RGS7BP: variants seen among roughly 807,000 people sequenced by gnomAD.
RGS7BP encodes the protein regulator of G protein signaling 7 binding protein, also known as regulator of G protein signaling 7-binding protein.
In RGS7BP, 9 loss-of-function variants were observed where a neutral mutation model predicts 31.3. The observed-to-expected ratio is 0.29, with a 90% CI of 0.17 to 0.50. The LOEUF is 0.50. Ranked by LOEUF, RGS7BP falls within the 20% of genes least tolerant of loss-of-function variation. The pLI is 0.98. For synonymous variants in RGS7BP, 115 were observed against 120.1 expected (o/e 0.96, Z 0.28); for missense variants, 274 against 322.0 (o/e 0.85, Z 1.14).
chr5:64,553,956 C>G (rs1243919016), intron 2 of RGS7BP, among the ~76,000 whole-genome samples: 1 of 152,126 alleles, frequency 6.6e-6, no homozygotes, highest in South Asian at 2.1e-4. Context: ...AGTTCGTTGA[C>G]TCCATTAAAA....
At chr5:64,583,012 T>G (rs1308744859) in intron 3 of RGS7BP, among the ~76,000 whole-genome samples, 2 of 152,152 alleles carry the variant, frequency 1.3e-5, no homozygotes, top group Non-Finnish European at 2.9e-5. Context: ...AGTGGAAACA[T>G]GCATTCATTC....
intron 2 of RGS7BP, among the ~76,000 whole-genome samples, chr5:64,511,650 A>G (rs1748839828): frequency 6.6e-6 from 1 of 152,196 alleles, no homozygotes; most frequent in Non-Finnish European, 1.5e-5. Flanking sequence ...GACACTTCAT[A>G]GAATCCCTAG....
chr5:64,522,248 A>T (rs1023828609), intron 2 of RGS7BP, among the ~76,000 whole-genome samples: 1 of 152,186 alleles, frequency 6.6e-6, no homozygotes, highest in Non-Finnish European at 1.5e-5. Context: ...GGCTGAATGG[A>T]AGGTCTCTCC....
intron 2 of RGS7BP, among the ~76,000 whole-genome samples, chr5:64,538,042 G>A (rs936830365): frequency 6.6e-6 from 1 of 152,074 alleles, no homozygotes; most frequent in Non-Finnish European, 1.5e-5. Context: ...TTTTCTTATG[G>A]ATTTATGAAT....
At chr5:64,510,986 T>G (rs181153609) in intron 2 of RGS7BP, among the ~76,000 whole-genome samples, 1 of 152,336 alleles carries the variant, frequency 6.6e-6, no homozygotes, top group African/African-American at 2.4e-5. Flanking sequence ...AGACTCCCAC[T>G]TCCTGGTCTA....
At chr5:64,599,104 A>C (rs563313020) in intron 5 of RGS7BP, among the ~76,000 whole-genome samples, 1 of 152,330 alleles carries the variant, frequency 6.6e-6, no homozygotes, top group East Asian at 1.9e-4. Context: ...AAACTATTGT[A>C]TCCTCAGTAT....
At chr5:64,594,553 G>A (rs1487234697) in intron 3 of RGS7BP, among the ~76,000 whole-genome samples, 157 bp from the exon 4 acceptor site, 1 of 152,056 alleles carries the variant, frequency 6.6e-6, no homozygotes. Flanking sequence ...ACTCATACAT[G>A]TATATACCTA....
intron 2 of RGS7BP, among the ~76,000 whole-genome samples, chr5:64,542,755 C>T (rs1272378270): frequency 6.6e-6 from 1 of 152,208 alleles, no homozygotes; most frequent in African/African-American, 2.4e-5. Context: ...ATTGAATAAT[C>T]TGAGCTCTAT....
At position 64,534,589 on chromosome 5, in the gene RGS7BP, C is replaced by T. The variant is rs766549464; in HGVS notation, c.332+26712C>T. ...ATCAGAAACAAGTCGGTCTGAGTAA[C>T]TGATTTGATGGTGGTGCTGTGCCAT... On this transcript the variant is annotated intron_variant, in intron 2 of 5. Coordinates refer to ENST00000334025, the MANE Select transcript of RGS7BP (RefSeq NM_001029875.3). Among the ~76,000 whole-genome samples the T allele has an allele frequency of 2.0e-5, 3 of 152,128 alleles. No individual in the cohort carries two copies. In the South Asian group the frequency reaches 6.2e-4, roughly 32 times the overall value.
intron 2 of RGS7BP, among the ~76,000 whole-genome samples, chr5:64,540,000 T>C (rs771559829): frequency 2.0e-5 from 3 of 152,166 alleles, no homozygotes; most frequent in Non-Finnish European, 4.4e-5. Flanking sequence ...CAGTAAAATC[T>C]AGTTTTAATG....
intron 2 of RGS7BP, among the ~76,000 whole-genome samples, chr5:64,563,447 C>T (rs1442032656): frequency 6.6e-6 from 1 of 152,000 alleles, no homozygotes; most frequent in Admixed American, 6.6e-5. Context: ...GCCTCTAATC[C>T]ATCATGACTG....
At chr5:64,593,767 A>AAATGAGTGAATG (rs1208082548) in intron 3 of RGS7BP, among the ~76,000 whole-genome samples, 1 of 152,200 alleles carries the variant, frequency 6.6e-6, no homozygotes, top group African/African-American at 2.4e-5. Context: ...ATATATTTGT[A>AAATGAGTGAATG]AATGAGTGAA....
In RGS7BP at chr5:64,611,530, G is replaced by A. The variant is rs1330081487; in HGVS notation, c.*2278G>A. ...TAATAAATTCAGGTCTCACCTCCAT[G>A]TCTGAAAAGGCTATAGTAGCTATTC... On this transcript the variant is annotated 3_prime_UTR_variant, in exon 6 of 6. Coordinates refer to ENST00000334025, the MANE Select transcript of RGS7BP (RefSeq NM_001029875.3). The A allele has an allele frequency of 6.6e-6, 1 of 152,200 alleles. No homozygotes were observed. The highest frequency in any genetic ancestry group is 2.4e-5 in the African/African-American group (1 of 41,348). 9.4% of individuals were successfully genotyped at this position (152,200 alleles called of 1,614,324 possible).
rs1224263398 is a variant in RGS7BP, at chr5:64,611,718, C to T, written c.*2466C>T. On this transcript the variant is annotated 3_prime_UTR_variant, in exon 6 of 6. Transcript: ENST00000334025. ...AGATCTAAAGATCCTCTTTCAGTAG[C>T]ATATACTAAAATTAAGTTTAGTGCT... 4 of 152,222 alleles carry T rather than the reference C, an allele frequency of 2.6e-5. No homozygotes were observed. Among genetic ancestry groups the T allele is most frequent in the Non-Finnish European group, 5.9e-5 (4 of 67,872 alleles). 9.4% of individuals were successfully genotyped at this position (152,222 alleles called of 1,614,324 possible).
chr5:64,598,653 G>A (rs6877763), intron 5 of RGS7BP, among the ~76,000 whole-genome samples: 10 of 152,082 alleles, frequency 6.6e-5, no homozygotes, highest in African/African-American at 1.2e-4. Context: ...ACCTTAAAAC[G>A]AACTCCTTCT....
chr5:64,535,051 G>A (rs1230307909), intron 2 of RGS7BP, among the ~76,000 whole-genome samples: 1 of 152,152 alleles, frequency 6.6e-6, no homozygotes, highest in Non-Finnish European at 1.5e-5. Context: ...CTGCTGAAAT[G>A]TCCAGTAAGA....
chr5:64,607,034 T>A (rs1743382752), intron 5 of RGS7BP, among the ~76,000 whole-genome samples: 1 of 152,112 alleles, frequency 6.6e-6, no homozygotes, highest in Non-Finnish European at 1.5e-5. Flanking sequence ...TGTTTTCTTC[T>A]CTGGCTTGGA....
At chr5:64,591,129 T>C (rs1242696912) in intron 3 of RGS7BP, among the ~76,000 whole-genome samples, 1 of 152,014 alleles carries the variant, frequency 6.6e-6, no homozygotes, top group East Asian at 1.9e-4. Flanking sequence ...GAGTAAGAGA[T>C]ATAAGCAGTA....
intron 5 of RGS7BP, among the ~76,000 whole-genome samples, chr5:64,602,761 A>T (rs1743252787): frequency 6.6e-6 from 1 of 152,216 alleles, no homozygotes; most frequent in Admixed American, 6.5e-5. Context: ...AGTGCTCACA[A>T]TATAATAATG....
Sources: gnomAD v4.1 joint callset for allele counts (sites outside exome capture counted in the v4.1 genomes callset) on GRCh38, gnomAD v4.1.1 for gene constraint, MANE v1.5 for transcripts, NCBI Gene and HGNC (gene_info 2026-07-23, HGNC 2026-07-21) for gene names.